DLG5: variants seen among roughly 807,000 people sequenced by gnomAD.
DLG5 encodes disks large homolog 5.
In DLG5, 48 loss-of-function variants were observed where a neutral mutation model predicts 189.8. The ratio of observed to expected loss-of-function variants is 0.25; its 90% CI spans 0.20 to 0.32. The LOEUF is 0.32. DLG5 is among the 10% of genes least tolerant of loss of function. The pLI, the probability that DLG5 is intolerant of heterozygous loss-of-function variation, is 1.00. For synonymous variants in DLG5, 1,016 were observed against 1,054.1 expected, an observed-to-expected ratio of 0.96 and a Z score of 0.70; for missense variants, 2,160 against 2,544.7, an observed-to-expected ratio of 0.85 and a Z score of 3.25.
intron 25 of DLG5, 75 bp from the exon 26 acceptor site, chr10:77,807,003 A>G: frequency 6.6e-7 from 1 of 1,514,080 alleles, no homozygotes; most frequent in Non-Finnish European, 9.0e-7. Flanking sequence ...TTCTGTGGCC[A>G]GGCCCCTAAG....
intron 1 of DLG5, among the ~76,000 whole-genome samples, chr10:77,884,649 G>A (rs897486483): frequency 3.3e-5 from 5 of 152,072 alleles, no homozygotes; most frequent in Middle Eastern, 3.2e-3. Context: ...CTCAAGGAGC[G>A]CTCAGGGAAA....
chr10:77,906,479 G>A (rs535462351), intron 1 of DLG5, among the ~76,000 whole-genome samples: 1 of 152,256 alleles, frequency 6.6e-6, no homozygotes, highest in South Asian at 2.1e-4. Context: ...TCACTTTCTT[G>A]AATCGTCAGG....
chr10:77,814,259 T>C (rs1309951511), intron 20 of DLG5, among the ~76,000 whole-genome samples: 1 of 152,088 alleles, frequency 6.6e-6, no homozygotes, highest in African/African-American at 2.4e-5. Flanking sequence ...ATTACAGGCA[T>C]AGGCTACCGC....
chr10:77,801,682 A>C (rs1242128736), intron 27 of DLG5, among the ~76,000 whole-genome samples: 1 of 152,210 alleles, frequency 6.6e-6, no homozygotes, highest in Non-Finnish European at 1.5e-5. Context: ...CTGAGAAAGG[A>C]AGGCAGAGAA....
chr10:77,892,644 C>A (rs1009370560), intron 1 of DLG5, among the ~76,000 whole-genome samples: 1 of 152,190 alleles, frequency 6.6e-6, no homozygotes, highest in Non-Finnish European at 1.5e-5. Flanking sequence ...TTACAAGACA[C>A]CTCGCACACC....
intron 8 of DLG5, among the ~76,000 whole-genome samples, chr10:77,835,200 C>T (rs1431688818): frequency 1.3e-5 from 2 of 152,130 alleles, no homozygotes; most frequent in Non-Finnish European, 2.9e-5. Context: ...CCTGGAAAAA[C>T]CCCACTCATG....
At chr10:77,907,014 C>A (rs565661257) in intron 1 of DLG5, among the ~76,000 whole-genome samples, 1 of 152,170 alleles carries the variant, frequency 6.6e-6, no homozygotes, top group Admixed American at 6.5e-5. Flanking sequence ...ACCACGTGAT[C>A]TGACAACACT....
Position 77,841,866 on chromosome 10 carries a change from G to C in DLG5, c.1437+15C>G. 6.3e-7 allele frequency: 1 copy of C among 1,599,466 alleles called. No homozygotes were observed. Among genetic ancestry groups the C allele is most frequent in the Non-Finnish European group, 8.5e-7 (1 of 1,171,516 alleles). ...TAGGAGAGGCTGAAAGCCAGCCACC[G>C]GCCCACCCACCTACCTGCCGCAGCG... On this transcript the variant is annotated intron_variant, in intron 7 of 31. Transcript: ENST00000372391.
chr10:77,832,560 G>A (rs78724244), intron 9 of DLG5, among the ~76,000 whole-genome samples: 217 of 152,332 alleles, frequency 1.4e-3, no homozygotes, highest in African/African-American at 4.7e-3. Context: ...AGCATTCATT[G>A]CTCACTATAC....
chr10:77,826,119 C>G (rs1400564292), intron 13 of DLG5, among the ~76,000 whole-genome samples: 1 of 152,038 alleles, frequency 6.6e-6, no homozygotes, highest in East Asian at 1.9e-4. Context: ...GTTAAACATT[C>G]ATGTCCTCTG....
intron 7 of DLG5, among the ~76,000 whole-genome samples, chr10:77,841,548 G>GC (rs768339418): frequency 1.3e-5 from 2 of 152,188 alleles, no homozygotes; most frequent in Non-Finnish European, 2.9e-5. Flanking sequence ...TTCATAATAA[G>GC]CAAGTCCTTG....
chr10:77,928,375 A>T (rs1390289796), upstream of DLG5: 1 of 152,222 alleles, frequency 6.6e-6, no homozygotes, highest in African/African-American at 2.4e-5. Context: ...GGACCCCAAT[A>T]TGGCAGAAAT....
chr10:77,813,591 T>C (rs1343274933), intron 20 of DLG5, among the ~76,000 whole-genome samples: 1 of 152,114 alleles, frequency 6.6e-6, no homozygotes, highest in Non-Finnish European at 1.5e-5. Flanking sequence ...CCCCGTGCTG[T>C]TGAGAGCTGC....
intron 5 of DLG5, among the ~76,000 whole-genome samples, chr10:77,844,546 C>G (rs1050280688): frequency 4.6e-5 from 7 of 152,118 alleles, no homozygotes; most frequent in Admixed American, 4.6e-4. Flanking sequence ...GTGTAGGGTC[C>G]CCCCGCATCC....
intron 27 of DLG5, among the ~76,000 whole-genome samples, chr10:77,797,075 C>A (rs1840962980): frequency 6.6e-6 from 1 of 152,148 alleles, no homozygotes; most frequent in African/African-American, 2.4e-5. Flanking sequence ...TTGAGGATAA[C>A]CCTTAAGAAA....
intron 8 of DLG5, 135 bp downstream of exon 8, chr10:77,835,603 G>A (rs1235287700): frequency 1.1e-6 from 1 of 913,118 alleles, no homozygotes; most frequent in Non-Finnish European, 1.6e-6. Flanking sequence ...AACTAGGGGT[G>A]AGAAAGGAGG....
chr10:77,794,203 A>C, intron 30 of DLG5, 86 bp from the exon 31 acceptor site: 1 of 1,210,682 alleles, frequency 8.3e-7, no homozygotes, highest in Non-Finnish European at 1.2e-6. Flanking sequence ...CAGGGGCCCC[A>C]TCAAGGCAGG....
chr10:77,928,515 C>T (rs570554846), upstream of DLG5: 2 of 152,522 alleles, frequency 1.3e-5, no homozygotes, highest in East Asian at 1.9e-4. Flanking sequence ...TCTTCCCTCC[C>T]AGTCCTGCTC....
chr10:77,817,153 C>T, intron 18 of DLG5, 57 bp from the exon 19 acceptor site: 2 of 1,460,162 alleles, frequency 1.4e-6, no homozygotes, highest in Non-Finnish European at 9.6e-7. Context: ...CCACCCTGTC[C>T]TTCCTCTCCA....
Sources: gnomAD v4.1 joint callset for allele counts (sites outside exome capture counted in the v4.1 genomes callset) on GRCh38, gnomAD v4.1.1 for gene constraint, MANE v1.5 for transcripts, NCBI Gene and HGNC (gene_info 2026-07-23, HGNC 2026-07-21) for gene names.